The following MARK2 variants were observed in gnomAD, a reference collection of about 807,000 sequenced individuals.
The protein encoded by MARK2 is serine/threonine-protein kinase MARK2.
Under a neutral mutation model 89.8 loss-of-function variants are expected in MARK2, and 16 were observed. The ratio of observed to expected loss-of-function variants is 0.18; its 90% CI spans 0.12 to 0.27. The LOEUF (loss-of-function observed/expected upper bound fraction) is 0.27, where lower values mean the gene tolerates loss of function less well. Ranked by LOEUF, MARK2 falls within the 10% of genes least tolerant of loss-of-function variation. The pLI is 1.00. For synonymous variants in MARK2, 382 were observed against 399.5 expected (o/e 0.96, Z 0.52); for missense variants, 621 against 1,049.9 (o/e 0.59, Z 5.65).
intron 1 of MARK2, among the ~76,000 whole-genome samples, chr11:63,862,761 A>G (rs1321817777): frequency 6.6e-6 from 1 of 152,180 alleles, no homozygotes; most frequent in Non-Finnish European, 1.5e-5. Flanking sequence ...TAAGTACCTT[A>G]AAGTGTAGGG....
chr11:63,897,271 C>T (rs576789412), intron 3 of MARK2, among the ~76,000 whole-genome samples: 13 of 152,308 alleles, frequency 8.5e-5, no homozygotes, highest in Admixed American at 2.0e-4. Context: ...CTTTTTGCCT[C>T]TCCATCCAAA....
chr11:63,901,872 C>CT (rs1411391166), intron 11 of MARK2, among the ~76,000 whole-genome samples: 2 of 152,098 alleles, frequency 1.3e-5, no homozygotes, highest in African/African-American at 4.8e-5. Context: ...TAAGAGGCAC[C>CT]TGGTGACACT....
At chr11:63,878,359 CTTTTTT>C (rs59251368) in intron 1 of MARK2, among the ~76,000 whole-genome samples, 1 of 72,746 alleles carries the variant, frequency 1.4e-5, no homozygotes, top group African/African-American at 6.3e-5. Context: ...TTGTTCAAGT[CTTTTTT>C]TTTTTTTTTT....
chr11:63,900,213 C>A lies in MARK2; in HGVS notation c.768+103C>A. 1 of 905,210 alleles carries A rather than the reference C, an allele frequency of 1.1e-6. No individual in the cohort carries two copies. The highest frequency in any genetic ancestry group is 1.8e-6 in the Non-Finnish European group (1 of 566,962). The allele number at this position is 905,210 out of a possible 1,614,324, so 56.1% of individuals were successfully genotyped here. A position where few individuals can be genotyped will look rare whatever the true frequency, so the allele number is the denominator to read the frequency against. The stretch of plus-strand genomic sequence containing the variant: ...CCACCTGTCTACATTTGTCCCAAGC[C>A]AAAGCTTCAGAGAAGGGCTTGCTGA... On this transcript the variant is annotated intron_variant, in intron 8 of 18. Coordinates refer to ENST00000402010, the MANE Select transcript of MARK2 (RefSeq NM_001039469.3). The surrounding 1 kb of genome is among the most constrained non-coding windows in gnomAD (Gnocchi z 4.7).
chr11:63,898,580 A>G (rs774897908), intron 4 of MARK2, 28 bp from the exon 5 acceptor site: 123 of 1,586,190 alleles, frequency 7.8e-5, no homozygotes, highest in Non-Finnish European at 1.0e-4. Context: ...TTGCTTCTTG[A>G]CTTAAGGCTT....
chr11:63,857,171 G>A (rs1275648590), intron 1 of MARK2, among the ~76,000 whole-genome samples: 1 of 151,784 alleles, frequency 6.6e-6, no homozygotes, highest in Admixed American at 6.6e-5. Flanking sequence ...TAATTTGTTA[G>A]TATTTGTTGT....
Position 63,900,071 on chromosome 11 carries a change from G to C in MARK2, c.729G>C (p.Leu243=). Residue 243 remains leucine (L), a synonymous_variant, in exon 8 of 19, where the codon CTG becomes CTC. Coordinates refer to ENST00000402010, the MANE Select transcript of MARK2 (RefSeq NM_001039469.3). The surrounding 1 kb of genome is among the most constrained non-coding windows in gnomAD (Gnocchi z 4.7). ...VWSLGVILYT[L]VSGSLPFDGQ... ...GCCTAGGAGTTATCCTCTATACACT[G>C]GTCAGCGGATCCCTGCCTTTTGATG... is the stretch of plus-strand genomic sequence containing the variant. 1.2e-6 allele frequency: 2 copies of C among 1,614,064 alleles called. No homozygotes were observed. The highest frequency in any genetic ancestry group is 1.7e-6 in the Non-Finnish European group (2 of 1,179,948).
At chr11:63,867,016 A>G (rs1938173365) in intron 1 of MARK2, among the ~76,000 whole-genome samples, 1 of 152,096 alleles carries the variant, frequency 6.6e-6, no homozygotes, top group South Asian at 2.1e-4. Context: ...AGCCTGATGG[A>G]TAAGGGTACA....
At chr11:63,841,846 G>T (rs1224571911) in intron 1 of MARK2, among the ~76,000 whole-genome samples, 1 of 152,200 alleles carries the variant, frequency 6.6e-6, no homozygotes, top group Admixed American at 6.5e-5. Context: ...TGATGTGTGT[G>T]TTGATTTCCT....
At chr11:63,880,915 A>T (rs1939048640) in intron 1 of MARK2, among the ~76,000 whole-genome samples, 1 of 152,238 alleles carries the variant, frequency 6.6e-6, no homozygotes, top group South Asian at 2.1e-4. Context: ...CGTCATGAAG[A>T]CATCGCAAAA....
At chr11:63,855,148 C>T (rs1035713947) in intron 1 of MARK2, among the ~76,000 whole-genome samples, 1 of 152,062 alleles carries the variant, frequency 6.6e-6, no homozygotes, top group Non-Finnish European at 1.5e-5. Context: ...TTGTGTGAAA[C>T]GTCAGTGTTT....
At position 63,888,428 on chromosome 11, in the gene MARK2, T is replaced by C. The variant is rs986253785; in HGVS notation, c.55-6731T>C. ...GTGGCTGCAGTGAGTCTCCTCGACC[T>C]CTCGCCAGCTGTTACCCAGCAAAGC... On this transcript the variant is annotated intron_variant, in intron 1 of 18. Coordinates refer to ENST00000402010, the MANE Select transcript of MARK2 (RefSeq NM_001039469.3). 16 of 675,282 alleles carry C rather than the reference T, an allele frequency of 2.4e-5. No individual in the cohort carries two copies. In the Middle Eastern group the frequency reaches 2.9e-3, roughly 124 times the overall value. 41.8% of individuals were successfully genotyped at this position (675,282 alleles called of 1,614,324 possible). A position where few individuals can be genotyped will look rare whatever the true frequency, so the allele number is the denominator to read the frequency against.
At chr11:63,898,420 C>T (rs1164319106) in intron 4 of MARK2, 140 bp downstream of exon 4, 7 of 971,750 alleles carry the variant, frequency 7.2e-6, no homozygotes, top group Non-Finnish European at 1.1e-5. Context: ...AGCTCAAAAT[C>T]CATCTCCCCT....
At chr11:63,856,216 T>C (rs1382262165) in intron 1 of MARK2, among the ~76,000 whole-genome samples, 2 of 151,992 alleles carry the variant, frequency 1.3e-5, no homozygotes, top group Non-Finnish European at 2.9e-5. Flanking sequence ...GCAGTCCTTC[T>C]GGTTCCAGAA....
At chr11:63,872,757 T>C (rs1938527299) in intron 1 of MARK2, among the ~76,000 whole-genome samples, 1 of 152,168 alleles carries the variant, frequency 6.6e-6, no homozygotes, top group African/African-American at 2.4e-5. Context: ...GTTGGCTCTG[T>C]AGTGCCCAGA....
At chr11:63,905,187 A>G (rs918009035) in intron 16 of MARK2, 144 bp downstream of exon 16, 5 of 957,386 alleles carry the variant, frequency 5.2e-6, no homozygotes, top group African/African-American at 1.6e-5. Flanking sequence ...CAGGAAGCAC[A>G]AGAAATTAGG....
intron 17 of MARK2, among the ~76,000 whole-genome samples, 153 bp downstream of exon 17, chr11:63,906,267 A>G (rs1457920299): frequency 6.6e-6 from 1 of 151,930 alleles, no homozygotes; most frequent in Non-Finnish European, 1.5e-5. Flanking sequence ...TCTTAAAGGG[A>G]TGAAGACTGC....
At position 63,902,987 on chromosome 11, in the gene MARK2, TGAACCTGGGGGGA is replaced by T; in HGVS notation, c.1417-65_1417-53del. 1 of 1,343,578 alleles carries T rather than the reference TGAACCTGGGGGGA, an allele frequency of 7.4e-7. No homozygotes were observed. The highest frequency in any genetic ancestry group is 1.1e-6 in the Non-Finnish European group (1 of 937,038). 83.2% of individuals were successfully genotyped at this position (1,343,578 alleles called of 1,614,324 possible). ...TGGAAGGGACAGGAAGCCTGTTCCA[TGAACCTGGGGGGA>T]GAACCTGGCTGTAGACCACTTTGGC... On this transcript the variant is annotated intron_variant, in intron 13 of 18. Transcript: ENST00000402010. The surrounding 1 kb of genome is among the most constrained non-coding windows in gnomAD (Gnocchi z 4.2).
intron 1 of MARK2, chr11:63,888,656 G>C (rs1166913079): frequency 8.5e-7 from 1 of 1,172,730 alleles, no homozygotes; most frequent in African/African-American, 1.6e-5. Context: ...TGAGAAGCCA[G>C]CGGGGCTTTG....
Sources: gnomAD v4.1 joint callset for allele counts (sites outside exome capture counted in the v4.1 genomes callset) on GRCh38, gnomAD v4.1.1 for gene constraint, Gnocchi (gnomAD v3.1) non-coding constraint, MANE v1.5 for transcripts, NCBI Gene and HGNC (gene_info 2026-07-23, HGNC 2026-07-21) for gene names.